Variants in C1orf159 observed in about 807,000 individuals in gnomAD.
C1orf159 encodes the protein chromosome 1 open reading frame 159, also known as uncharacterized protein C1orf159.
A neutral mutation model predicts 25.6 loss-of-function variants in C1orf159; 19 were observed. That is an observed-to-expected ratio of 0.74 (90% CI 0.52 to 1.09). The LOEUF (loss-of-function observed/expected upper bound fraction) is 1.09, where lower values mean the gene tolerates loss of function less well. Ranked by LOEUF, C1orf159 falls within the 50% of genes least tolerant of loss-of-function variation. C1orf159 has a pLI of 0.00. For synonymous variants in C1orf159, 139 were observed against 124.7 expected (o/e 1.12, Z -0.77); for missense variants, 274 against 290.6 (o/e 0.94, Z 0.42).
chr1:1,082,567 A>G lies in C1orf159; in HGVS notation c.*326T>C. 2.6e-6 allele frequency: 1 copy of G among 389,206 alleles called. No individual in the cohort carries two copies. The highest frequency in any genetic ancestry group is 4.8e-6 in the Non-Finnish European group (1 of 208,332). The allele number at this position is 389,206 out of a possible 1,614,324, so 24.1% of individuals were successfully genotyped here. On this transcript the variant is annotated 3_prime_UTR_variant, in exon 10 of 10. Transcript: ENST00000421241. ...AGGCAGAGCGGCACCTGCCCCATAG[A>G]TCGTGCCAGCTTTGGCTGCAGGCGC...
Position 1,087,770 on chromosome 1 carries a change from C to T in C1orf159, c.149-173G>A, listed in dbSNP as rs944759878. The T allele has an allele frequency of 1.6e-5, 10 of 607,498 alleles. No individual in the cohort carries two copies. Among genetic ancestry groups the T allele is most frequent in the East Asian group, 8.3e-5 (3 of 36,198 alleles). 37.6% of individuals were successfully genotyped at this position (607,498 alleles called of 1,614,324 possible). On this transcript the variant is annotated intron_variant, in intron 4 of 9. Transcript: ENST00000421241. The surrounding 1 kb of genome is among the most constrained non-coding windows in gnomAD (Gnocchi z 8.3). ...ACACCCCCAGGGAGCATGGCGGGGC[C>T]GTGAGCACCCCACGCTGAGTACTCC...
intron 4 of C1orf159, 43 bp downstream of exon 4, chr1:1,090,310 C>T (rs1262165204): frequency 1.7e-5 from 26 of 1,542,146 alleles, no homozygotes; most frequent in Non-Finnish European, 2.2e-5. Flanking sequence ...ACACCAGTGG[C>T]TCAGGGGCCG....
intron 9 of C1orf159, chr1:1,084,134 G>A (rs534830952): frequency 2.4e-5 from 37 of 1,554,706 alleles, no homozygotes; most frequent in Middle Eastern, 1.7e-4. Flanking sequence ...AAAGGGGGGC[G>A]GGCAGGGGGC....
rs990990946 is a variant in C1orf159 at position 1,110,547 on chromosome 1, G to A, written c.-136+5513C>T. 2.7e-4 allele frequency among the ~76,000 whole-genome samples: 41 copies of A among 151,346 alleles called. No homozygotes were observed. Among genetic ancestry groups the A allele is most frequent in the African/African-American group, 8.6e-4 (35 of 40,700 alleles). On this transcript the variant is annotated intron_variant, in intron 1 of 9. Coordinates refer to ENST00000421241, the MANE Select transcript of C1orf159 (RefSeq NM_017891.5). This position sits in a 1 kb window ranked among gnomAD's most constrained non-coding sequence, Gnocchi z 4.8. ...CAGATGAGTGGACAGTGCTCAACAC[G>A]GGTGAGCGTCAGGGAAATGCAAACT...
chr1:1,101,644 T>C (rs1646102130), intron 1 of C1orf159, among the ~76,000 whole-genome samples: 1 of 152,072 alleles, frequency 6.6e-6, no homozygotes, highest in South Asian at 2.1e-4. Flanking sequence ...GGTCTATCAA[T>C]CAGCTCACAG....
chr1:1,103,460 A>G (rs1646130449), intron 1 of C1orf159, among the ~76,000 whole-genome samples: 1 of 152,218 alleles, frequency 6.6e-6, no homozygotes, highest in South Asian at 2.1e-4. Context: ...TCCTCTGAAG[A>G]GAATCAATGT....
At position 1,111,275 on chromosome 1, in the gene C1orf159, C is replaced by A. The variant is rs945999186; in HGVS notation, c.-136+4785G>T. On this transcript the variant is annotated intron_variant, in intron 1 of 9. Coordinates refer to ENST00000421241, the MANE Select transcript of C1orf159 (RefSeq NM_017891.5). ...AGGTGTGGAGGCTCAGGCCTGCAAT[C>A]CCATCATTTTGGGAGGCCAAGGTGG... 2.0e-5 allele frequency among the ~76,000 whole-genome samples: 3 copies of A among 151,666 alleles called. No individual in the cohort carries two copies. The South Asian group carries it at 6.2e-4, about 32-fold the overall frequency.
intron 1 of C1orf159, among the ~76,000 whole-genome samples, chr1:1,104,443 C>G (rs1474387756): frequency 6.6e-6 from 1 of 152,252 alleles, no homozygotes; most frequent in Non-Finnish European, 1.5e-5. Context: ...CCAGAGCCCT[C>G]AGGGAGCTGT....
chr1:1,111,506 C>T (rs977423609), intron 1 of C1orf159, among the ~76,000 whole-genome samples: 1 of 152,110 alleles, frequency 6.6e-6, no homozygotes, highest in Admixed American at 6.6e-5. Flanking sequence ...CTGCACTCTA[C>T]CTGGGCGACA....
rs757457022 is a variant in C1orf159 at position 1,084,480 on chromosome 1, C to A, written c.471+1G>T. 1.3e-6 allele frequency: 2 copies of A among 1,560,726 alleles called. No individual in the cohort carries two copies. The highest frequency in any genetic ancestry group is 1.7e-6 in the Non-Finnish European group (2 of 1,153,174). ...CAGCCCGGATGATGTGGGTTACTTA[C>A]GGCTTCGCCAGGCTGCAGGGCCGGA... is the stretch of plus-strand genomic sequence containing the variant. On this transcript the variant is annotated splice_donor_variant, in intron 8 of 9. Coordinates refer to ENST00000421241, the MANE Select transcript of C1orf159 (RefSeq NM_017891.5). LOFTEE classifies it high-confidence loss of function.
rs1016425032 is a variant in C1orf159 at position 1,087,313 on chromosome 1, G to A, written c.245-109C>T. ...GGAAATATGAAAGCGAGGGGCTGAG[G>A]GGGCGGAGCAGCCCTCACCACAGAG... On this transcript the variant is annotated intron_variant, in intron 5 of 9. Transcript: ENST00000421241. This position sits in a 1 kb window ranked among gnomAD's most constrained non-coding sequence, Gnocchi z 8.3. 20 of 1,264,878 alleles carry A rather than the reference G, an allele frequency of 1.6e-5. No homozygotes were observed. The African/African-American group carries it at 3.0e-4, about 19-fold the overall frequency. The allele number at this position is 1,264,878 out of a possible 1,614,324, so 78.4% of individuals were successfully genotyped here. A position where few individuals can be genotyped will look rare whatever the true frequency, so the allele number is the denominator to read the frequency against.
chr1:1,101,982 G>A (rs1055955129), intron 1 of C1orf159, among the ~76,000 whole-genome samples: 11 of 143,624 alleles, frequency 7.7e-5, no homozygotes, highest in African/African-American at 2.6e-4. Flanking sequence ...TGAGGCAGGA[G>A]AATCGCTTGA....
At chr1:1,103,119 A>G (rs1395937677) in intron 1 of C1orf159, among the ~76,000 whole-genome samples, 1 of 152,210 alleles carries the variant, frequency 6.6e-6, no homozygotes, top group Non-Finnish European at 1.5e-5. Flanking sequence ...CTGGGATTAC[A>G]GGCGTGAGCC....
chr1:1,090,238 C>T (rs762077864), intron 4 of C1orf159, 115 bp downstream of exon 4: 4 of 1,076,884 alleles, frequency 3.7e-6, no homozygotes, highest in South Asian at 2.9e-5. Context: ...ATCCACTCCC[C>T]AGGTCCCGCA....
chr1:1,094,926 A>G (rs962599126), intron 1 of C1orf159, among the ~76,000 whole-genome samples: 4 of 152,218 alleles, frequency 2.6e-5, no homozygotes, highest in Non-Finnish European at 5.9e-5. Flanking sequence ...GTATGGTGAA[A>G]TGCAGGTCAA....
intron 1 of C1orf159, among the ~76,000 whole-genome samples, chr1:1,103,231 C>T (rs1023963955): frequency 6.6e-6 from 1 of 152,220 alleles, no homozygotes; most frequent in Non-Finnish European, 1.5e-5. Flanking sequence ...GTTCATTATG[C>T]GTGCATTTCC....
intron 9 of C1orf159, chr1:1,084,097 G>A: frequency 6.3e-7 from 1 of 1,598,036 alleles, no homozygotes; most frequent in African/African-American, 1.3e-5. Context: ...CTCGGGAACA[G>A]GAAAGAGCAT....
rs769169845 is a variant in C1orf159, at chr1:1,082,920, C to G, written c.570G>C (p.Pro190=). 11 of 1,600,688 alleles carry G rather than the reference C, an allele frequency of 6.9e-6. No individual in the cohort carries two copies. Among genetic ancestry groups the G allele is most frequent in the Middle Eastern group, 1.6e-4 (1 of 6,066 alleles). Residue 190 remains proline, a synonymous_variant, in exon 10 of 10, where the codon CCG becomes CCC. Coordinates refer to ENST00000421241, the MANE Select transcript of C1orf159 (RefSeq NM_017891.5). ...AGACATTGCTGATACGGGCCTCCCCCGGGAAGGCAGCGGGATCCGTGGCCC... is the reference window on the plus strand; with the variant it reads ...AGACATTGCTGATACGGGCCTCCCCGGGGAAGGCAGCGGGATCCGTGGCCC... ...LDRATDPAAF[P]GEARISNV is the part of the protein sequence containing the mutation.
chr1:1,115,783 C>T (rs1332598935), intron 1 of C1orf159, among the ~76,000 whole-genome samples: 2 of 135,316 alleles, frequency 1.5e-5, no homozygotes, highest in Non-Finnish European at 3.2e-5. Context: ...CTCAGACGCC[C>T]CTTCCCCTCC....
Sources: allele counts gnomAD v4.1 joint callset (sites outside exome capture counted in the v4.1 genomes callset), GRCh38; gene constraint gnomAD v4.1.1; non-coding constraint Gnocchi (gnomAD v3.1); transcripts MANE v1.5; gene names NCBI Gene and HGNC (gene_info 2026-07-23, HGNC 2026-07-21).